LRP1B: variants seen among roughly 807,000 people sequenced by gnomAD.
LRP1B encodes LDL receptor related protein 1B, also known as low-density lipoprotein receptor-related protein 1B.
LRP1B carries 217 observed loss-of-function variants against 556.6 expected under a neutral mutation model. The observed-to-expected ratio is 0.39, with a 90% CI of 0.35 to 0.44. The LOEUF (loss-of-function observed/expected upper bound fraction) is 0.44, where lower values mean the gene tolerates loss of function less well. Ranked by LOEUF, LRP1B falls within the 20% of genes least tolerant of loss-of-function variation. LRP1B has a pLI of 1.00. For synonymous variants in LRP1B, 2,047 were observed against 1,865.8 expected, an observed-to-expected ratio of 1.10 and a Z score of -2.50; for missense variants, 5,053 against 5,620.8, an observed-to-expected ratio of 0.90 and a Z score of 3.23.
At chr2:142,126,508 A>G (rs544498887) in intron 1 of LRP1B, among the ~76,000 whole-genome samples, 1 of 151,956 alleles carries the variant, frequency 6.6e-6, no homozygotes, top group East Asian at 1.9e-4. Flanking sequence ...AGTTTGACGA[A>G]TGATATCATG....
In LRP1B at chr2:142,061,736, A is replaced by G. The variant is rs919310592; in HGVS notation, c.82+68912T>C. ...TGATAATATATCTTCTTTAGTGTTT[A>G]GTCATATGCATTTAATGGTAGACTT... On this transcript the variant is annotated intron_variant, in intron 1 of 90. Transcript: ENST00000389484. 2.0e-5 allele frequency among the ~76,000 whole-genome samples: 3 copies of G among 152,002 alleles called. No homozygotes were observed. In the East Asian group the frequency reaches 5.8e-4, roughly 29 times the overall value.
chr2:140,501,873 T>C lies in LRP1B; in HGVS notation c.8664A>G (p.Glu2888=). 6.3e-7 allele frequency: 1 copy of C among 1,586,284 alleles called. No homozygotes were observed. Among genetic ancestry groups the C allele is most frequent in the Non-Finnish European group, 8.6e-7 (1 of 1,166,106 alleles). ...APLNPKCKSA[E]QSCNSSFFMC... The stretch of plus-strand genomic sequence containing the variant: ...TAAAAAATGAACTGTTGCATGACTG[T>C]TCTGGAAAAAAAATAAAACAAATGG... The change falls in exon 55 of 91, where the codon GAA becomes GAG. Residue 2888 remains glutamate (E), a splice_region_variant and synonymous_variant. Coordinates refer to ENST00000389484, the MANE Select transcript of LRP1B (RefSeq NM_018557.3).
At chr2:141,779,293 C>A (rs1695169191) in intron 2 of LRP1B, among the ~76,000 whole-genome samples, 1 of 152,012 alleles carries the variant, frequency 6.6e-6, no homozygotes. Flanking sequence ...AGTCTCTGAG[C>A]CAGATGGTGT....
chr2:141,369,719 T>C (rs550722781), intron 3 of LRP1B, among the ~76,000 whole-genome samples: 1 of 152,274 alleles, frequency 6.6e-6, no homozygotes, highest in South Asian at 2.1e-4. Flanking sequence ...ATTGATATAT[T>C]GCATTGTGGT....
chr2:141,604,771 G>A (rs532417163), intron 2 of LRP1B, among the ~76,000 whole-genome samples: 1 of 152,188 alleles, frequency 6.6e-6, no homozygotes, highest in South Asian at 2.1e-4. Context: ...GACTTCAGGT[G>A]GGGGATCATG....
intron 2 of LRP1B, among the ~76,000 whole-genome samples, chr2:141,578,936 GA>G (rs1236997472): frequency 6.6e-6 from 1 of 152,092 alleles, no homozygotes; most frequent in Admixed American, 6.6e-5. Flanking sequence ...AATACATGAC[GA>G]TTTGAGTTTC....
At chr2:141,387,846 C>G (rs1346692501) in intron 3 of LRP1B, among the ~76,000 whole-genome samples, 3 of 152,060 alleles carry the variant, frequency 2.0e-5, no homozygotes, top group African/African-American at 7.2e-5. Context: ...AGGGAAGAAA[C>G]TGCAAGAAAA....
intron 37 of LRP1B, among the ~76,000 whole-genome samples, chr2:140,707,654 G>A (rs922217354): frequency 6.6e-6 from 1 of 151,966 alleles, no homozygotes; most frequent in Non-Finnish European, 1.5e-5. Context: ...GTACATGATT[G>A]GACATTTTTT....
At chr2:141,997,911 G>A (rs1008382036) in intron 1 of LRP1B, among the ~76,000 whole-genome samples, 2 of 152,080 alleles carry the variant, frequency 1.3e-5, no homozygotes, top group African/African-American at 4.8e-5. Flanking sequence ...AAACTCAAGA[G>A]TGTAAACAGA....
chr2:140,520,964 T>C (rs1413338710), intron 49 of LRP1B, among the ~76,000 whole-genome samples: 1 of 151,564 alleles, frequency 6.6e-6, no homozygotes, highest in Non-Finnish European at 1.5e-5. Flanking sequence ...ATTCCAAAGC[T>C]TTAAGACTGG....
chr2:141,575,806 T>C (rs574181544), intron 2 of LRP1B, among the ~76,000 whole-genome samples: 1 of 149,954 alleles, frequency 6.7e-6, no homozygotes, highest in African/African-American at 2.4e-5. Context: ...AACAGACACT[T>C]CTCAAAAGAA....
rs111654381 is a variant in LRP1B at position 141,941,037 on chromosome 2, G to T, written c.83-130636C>A. Among the ~76,000 whole-genome samples, 901 of 152,280 alleles carry T rather than the reference G, an allele frequency of 5.9e-3. 4 individuals are homozygous for T. The highest frequency in any genetic ancestry group is 0.02 in the African/African-American group (839 of 41,558). Reference sequence around the variant, plus strand: ...TGATTCCCCAATGCAGTTTTTACATGACTGATTTCTGTAAACATGTTTTAG... The same window carrying T: ...TGATTCCCCAATGCAGTTTTTACATTACTGATTTCTGTAAACATGTTTTAG... On this transcript the variant is annotated intron_variant, in intron 1 of 90. Transcript: ENST00000389484.
chr2:141,144,019 T>G (rs1305536877), intron 7 of LRP1B, among the ~76,000 whole-genome samples: 1 of 152,154 alleles, frequency 6.6e-6, no homozygotes, highest in African/African-American at 2.4e-5. Flanking sequence ...GGGTAGGATA[T>G]AAACCTCTAA....
intron 7 of LRP1B, among the ~76,000 whole-genome samples, chr2:141,066,395 T>G (rs146269743): frequency 9.3e-4 from 141 of 152,064 alleles, no homozygotes; most frequent in African/African-American, 3.2e-3. Flanking sequence ...TTGCCTAACA[T>G]AAATCATAAG....
chr2:140,592,521 C>A (rs2105170386), intron 43 of LRP1B, among the ~76,000 whole-genome samples: 1 of 151,928 alleles, frequency 6.6e-6, no homozygotes, highest in South Asian at 2.1e-4. Context: ...CTTGGGTAAG[C>A]ATTTCAAACC....
chr2:140,807,446 T>G (rs1690758462), intron 32 of LRP1B, among the ~76,000 whole-genome samples: 1 of 151,940 alleles, frequency 6.6e-6, no homozygotes, highest in Non-Finnish European at 1.5e-5. Context: ...GTTCAAGCGA[T>G]TCTCCTGCCT....
chr2:141,811,873 G>T (rs552883720), intron 1 of LRP1B, among the ~76,000 whole-genome samples: 1 of 151,968 alleles, frequency 6.6e-6, no homozygotes, highest in Admixed American at 6.6e-5. Flanking sequence ...TCCAAAAAAT[G>T]GTAAAAGAAG....
intron 11 of LRP1B, among the ~76,000 whole-genome samples, chr2:141,035,944 A>G (rs1287481141): frequency 2.6e-5 from 4 of 152,118 alleles, no homozygotes; most frequent in Non-Finnish European, 2.9e-5. Flanking sequence ...TTTAAAAACT[A>G]TTTCCATCTT....
chr2:140,274,623 A>G, intron 84 of LRP1B, 25 bp from the exon 85 acceptor site: 1 of 1,593,146 alleles, frequency 6.3e-7, no homozygotes, highest in South Asian at 1.1e-5. Flanking sequence ...CACAACAGAA[A>G]AATAAAATTA....
Sources: gnomAD v4.1 joint callset for allele counts (sites outside exome capture counted in the v4.1 genomes callset) on GRCh38, gnomAD v4.1.1 for gene constraint, MANE v1.5 for transcripts, NCBI Gene and HGNC (gene_info 2026-07-23, HGNC 2026-07-21) for gene names.